The following CSMD1 variants were observed in gnomAD, a reference collection of about 807,000 sequenced individuals.
CSMD1 encodes CUB and sushi domain-containing protein 1.
Under a neutral mutation model 417.5 loss-of-function variants are expected in CSMD1, and 213 were observed. The ratio of observed to expected loss-of-function variants is 0.51; its 90% confidence interval spans 0.46 to 0.57. The LOEUF (loss-of-function observed/expected upper bound fraction) is 0.57, where lower values mean the gene tolerates loss of function less well. CSMD1 is among the 20% of genes least tolerant of loss of function. CSMD1 has a pLI of 0.00. For missense variants in CSMD1, 6,923 were observed against 4,529.7 expected (o/e 1.53, Z -15.17); for synonymous variants, 2,862 against 1,736.8 (o/e 1.65, Z -16.11).
At chr8:4,274,761 G>A (rs897467735) in intron 3 of CSMD1, among the ~76,000 whole-genome samples, 3 of 152,018 alleles carry the variant, frequency 2.0e-5, no homozygotes, top group Middle Eastern at 3.2e-3. Context: ...CAGGAGATAC[G>A]GGATTATTAG....
chr8:4,583,258 G>T (rs1451309646), intron 2 of CSMD1, among the ~76,000 whole-genome samples: 1 of 152,218 alleles, frequency 6.6e-6, no homozygotes, highest in Non-Finnish European at 1.5e-5. Context: ...TGCAGCCGTG[G>T]TGCGGGACCC....
chr8:3,881,502 T>C (rs1395567360), intron 5 of CSMD1, among the ~76,000 whole-genome samples: 1 of 148,948 alleles, frequency 6.7e-6, no homozygotes, highest in African/African-American at 2.5e-5. Flanking sequence ...CTGGGCGTAG[T>C]GGTGGGTGCC....
intron 2 of CSMD1, among the ~76,000 whole-genome samples, chr8:4,492,517 TC>T (rs1801757558): frequency 2.0e-5 from 3 of 152,196 alleles, no homozygotes; most frequent in Admixed American, 6.5e-5. Context: ...CCACATCTGA[TC>T]ATTATAATAT....
intron 7 of CSMD1, among the ~76,000 whole-genome samples, chr8:3,620,403 G>C (rs115702340): frequency 0.029 from 4,339 of 152,078 alleles, 232 homozygotes; most frequent in African/African-American, 0.099. Flanking sequence ...TACTAAGTTT[G>C]ACTTAAAACC....
chr8:3,501,459 C>A (rs1479962451), intron 10 of CSMD1, among the ~76,000 whole-genome samples: 1 of 152,070 alleles, frequency 6.6e-6, no homozygotes, highest in Non-Finnish European at 1.5e-5. Context: ...TTATAATTTT[C>A]CAAGATTTAG....
At chr8:4,789,807 G>A (rs1214998082) in intron 1 of CSMD1, among the ~76,000 whole-genome samples, 1 of 152,052 alleles carries the variant, frequency 6.6e-6, no homozygotes, top group Non-Finnish European at 1.5e-5. Flanking sequence ...TGCCATTTTG[G>A]TTCTTGCTAT....
chr8:4,445,463 G>A (rs533507939), intron 2 of CSMD1, among the ~76,000 whole-genome samples: 1 of 152,122 alleles, frequency 6.6e-6, no homozygotes, highest in Non-Finnish European at 1.5e-5. Context: ...CCTCCAGTGA[G>A]TCACTTAAGA....
chr8:3,865,805 T>C (rs1184366540), intron 5 of CSMD1, among the ~76,000 whole-genome samples: 2 of 152,212 alleles, frequency 1.3e-5, no homozygotes, highest in Admixed American at 6.5e-5. Flanking sequence ...CCTCTTTTTT[T>C]GGTATACTGT....
At chr8:3,415,019 G>C (rs17066062) in intron 12 of CSMD1, among the ~76,000 whole-genome samples, 8,240 of 152,116 alleles carry the variant, frequency 0.054, 286 homozygotes, top group East Asian at 0.15. Flanking sequence ...TAAATCTGTA[G>C]CACCTGTTCA....
rs548741253 is a variant in CSMD1, at chr8:3,225,756, A to G, written c.4346-1889T>C. On this transcript the variant is annotated intron_variant, in intron 27 of 69. Coordinates refer to ENST00000635120, the MANE Select transcript of CSMD1 (RefSeq NM_033225.6). ...CAAATGAGGTGATTTAAAAGCTGAA[A>G]AAGTGGAATTAAGGAGTGCTGCCTG... Among the ~76,000 whole-genome samples the G allele has an allele frequency of 2.6e-5, 4 of 152,350 alleles. No individual in the cohort carries two copies. In the East Asian group the frequency reaches 5.8e-4, roughly 22 times the overall value.
intron 26 of CSMD1, among the ~76,000 whole-genome samples, chr8:3,240,757 G>A (rs1007409153): frequency 6.6e-6 from 1 of 152,088 alleles, no homozygotes; most frequent in African/African-American, 2.4e-5. Context: ...GAGAGTATAT[G>A]GGTTTGGCAC....
intron 6 of CSMD1, among the ~76,000 whole-genome samples, chr8:3,715,177 T>C (rs989244819): frequency 2.6e-5 from 4 of 152,178 alleles, no homozygotes; most frequent in Non-Finnish European, 2.9e-5. Flanking sequence ...TTTTTGCAAA[T>C]TATTCATCAA....
At chr8:4,324,944 A>C (rs1321054861) in intron 3 of CSMD1, among the ~76,000 whole-genome samples, 3 of 152,100 alleles carry the variant, frequency 2.0e-5, no homozygotes, top group Non-Finnish European at 2.9e-5. Context: ...GGAAGGAGGC[A>C]ATTGTATTTG....
chr8:3,957,936 A>G (rs1286837152), intron 5 of CSMD1, among the ~76,000 whole-genome samples: 2 of 152,184 alleles, frequency 1.3e-5, no homozygotes, highest in Non-Finnish European at 2.9e-5. Context: ...TCAGGGCAGC[A>G]AATCCTGCAG....
At chr8:3,021,397 C>T (rs1436747026) in intron 51 of CSMD1, among the ~76,000 whole-genome samples, 2 of 152,220 alleles carry the variant, frequency 1.3e-5, no homozygotes, top group South Asian at 4.1e-4. Context: ...GAAATCTTGC[C>T]TGACTGAAAA....
intron 3 of CSMD1, among the ~76,000 whole-genome samples, chr8:4,414,836 G>A (rs1003890545): frequency 3.9e-5 from 6 of 152,100 alleles, no homozygotes; most frequent in African/African-American, 1.2e-4. Flanking sequence ...TGCCCTCAAG[G>A]GTACAAAGAG....
intron 39 of CSMD1, among the ~76,000 whole-genome samples, chr8:3,153,699 G>T (rs556479925): frequency 2.0e-5 from 3 of 152,280 alleles, no homozygotes; most frequent in Admixed American, 6.5e-5. Flanking sequence ...CTGCAGGAGG[G>T]GCTGGCCCAG....
intron 18 of CSMD1, among the ~76,000 whole-genome samples, chr8:3,375,875 T>A (rs1810274010): frequency 6.6e-6 from 1 of 152,160 alleles, no homozygotes; most frequent in Admixed American, 6.5e-5. Context: ...TTTTTTCTCT[T>A]TGCACCTCAG....
intron 48 of CSMD1, among the ~76,000 whole-genome samples, chr8:3,088,885 C>G (rs1814726599): frequency 7.2e-6 from 1 of 138,876 alleles, no homozygotes; most frequent in African/African-American, 2.7e-5. Context: ...ATAGAAGGAA[C>G]AATCAGACTG....
Sources: allele counts gnomAD v4.1 joint callset (sites outside exome capture counted in the v4.1 genomes callset), GRCh38; gene constraint gnomAD v4.1.1; transcripts MANE v1.5; gene names NCBI Gene and HGNC (gene_info 2026-07-23, HGNC 2026-07-21).